The following KLHDC2 variants were observed in gnomAD, a reference collection of about 807,000 sequenced individuals.
KLHDC2 encodes kelch domain-containing protein 2.
In KLHDC2, 38 loss-of-function variants were observed where a neutral mutation model predicts 62.3. The observed-to-expected ratio is 0.61, with a 90% confidence interval of 0.47 to 0.80. The LOEUF is 0.80. Among genes scored for constraint, KLHDC2 ranks in the 30% least tolerant of loss-of-function variants. The pLI, the probability that KLHDC2 is intolerant of heterozygous loss-of-function variation, is 0.00. For missense variants in KLHDC2, 430 were observed against 495.3 expected (o/e 0.87, Z 1.25); for synonymous variants, 159 against 161.0 (o/e 0.99, Z 0.09).
rs1387219575 is a variant in KLHDC2 at position 49,785,745 on chromosome 14, G to GGGTATAGT, written c.*2795_*2802dup. Reference sequence around the variant, plus strand: ...TCTACAAAAAATATAAAAGTTAGCTGGGTATAGTGGGTGCCTGTAGTCCCA... The same window carrying GGGTATAGT: ...TCTACAAAAAATATAAAAGTTAGCTGGGTATAGTGGTATAGTGGGTGCCTGTAGTCCCA... On this transcript the variant is annotated 3_prime_UTR_variant, in exon 13 of 13. Coordinates refer to ENST00000298307, the MANE Select transcript of KLHDC2 (RefSeq NM_014315.3). 3 of 176,714 alleles carry GGGTATAGT rather than the reference G, an allele frequency of 1.7e-5. No homozygotes were observed. The highest frequency in any genetic ancestry group is 7.2e-5 in the African/African-American group (3 of 41,714). 10.9% of individuals were successfully genotyped at this position (176,714 alleles called of 1,614,324 possible).
intron 9 of KLHDC2, 63 bp from the exon 10 acceptor site, chr14:49,780,640 T>C: frequency 4.6e-6 from 5 of 1,077,494 alleles, no homozygotes; most frequent in Non-Finnish European, 7.2e-6. Context: ...GCCAAAGCTG[T>C]GCCCTTTAAA....
Position 49,778,300 on chromosome 14 carries a change from G to A in KLHDC2, c.549+41G>A, listed in dbSNP as rs764256260. The A allele has an allele frequency of 5.0e-6, 7 of 1,393,080 alleles. No individual in the cohort carries two copies. In the East Asian group the frequency reaches 1.4e-4, roughly 27 times the overall value. 86.3% of individuals were successfully genotyped at this position (1,393,080 alleles called of 1,614,324 possible). Reference sequence around the variant, plus strand: ...TATTTGCATATGGCCTCCTTAGTATGTTGAAATAATACATTTTATAAGTTT... The same window carrying A: ...TATTTGCATATGGCCTCCTTAGTATATTGAAATAATACATTTTATAAGTTT... On this transcript the variant is annotated intron_variant, in intron 5 of 12. Coordinates refer to ENST00000298307, the MANE Select transcript of KLHDC2 (RefSeq NM_014315.3).
At chr14:49,768,738 G>A in intron 1 of KLHDC2, 117 bp downstream of exon 1, 1 of 974,154 alleles carries the variant, frequency 1.0e-6, no homozygotes, top group Non-Finnish European at 1.4e-6. Flanking sequence ...TGCGTCGCGC[G>A]CCCCACCTCA....
intron 6 of KLHDC2, 67 bp downstream of exon 6, chr14:49,778,561 G>GGGGGGGGGGGGGGGGGGA: frequency 3.4e-6 from 1 of 297,528 alleles, no homozygotes; most frequent in Non-Finnish European, 7.1e-6. Context: ...TGGGGTAGGG[G>GGGGGGGGGGGGGGGGGGA]AGAGGGGTGC....
At chr14:49,770,423 A>G (rs555839860) in intron 1 of KLHDC2, among the ~76,000 whole-genome samples, 1 of 152,304 alleles carries the variant, frequency 6.6e-6, no homozygotes, top group East Asian at 1.9e-4. Flanking sequence ...GGTGGGGTGG[A>G]AAAAGAAGTT....
At chr14:49,769,558 A>G (rs1452343679) in intron 1 of KLHDC2, among the ~76,000 whole-genome samples, 1 of 152,178 alleles carries the variant, frequency 6.6e-6, no homozygotes, top group Non-Finnish European at 1.5e-5. Flanking sequence ...CTGATACTTT[A>G]TTTTGGTTTA....
Position 49,785,598 on chromosome 14 carries a change from A to G in KLHDC2, c.*2645A>G. 2.8e-6 allele frequency: 1 copy of G among 351,178 alleles called. No individual in the cohort carries two copies. The highest frequency in any genetic ancestry group is 5.4e-6 in the Non-Finnish European group (1 of 184,238). The allele number at this position is 351,178 out of a possible 1,614,324, so 21.8% of individuals were successfully genotyped here. A position where few individuals can be genotyped will look rare whatever the true frequency, so the allele number is the denominator to read the frequency against. ...CCTACAGTTACATTTAAGAGAAAGA[A>G]GGCCCAGGAGCAGTGGTTCACGCCT... On this transcript the variant is annotated 3_prime_UTR_variant, in exon 13 of 13. Coordinates refer to ENST00000298307, the MANE Select transcript of KLHDC2 (RefSeq NM_014315.3).
chr14:49,781,370 A>C (rs111721781), intron 10 of KLHDC2, among the ~76,000 whole-genome samples: 75 of 782 alleles, frequency 0.096, 2 homozygotes, highest in Non-Finnish European at 0.21. Flanking sequence ...ACTCTGTCTC[A>C]AAAAAAAAAA....
chr14:49,772,564 C>T (rs551602978), intron 2 of KLHDC2, among the ~76,000 whole-genome samples: 24 of 152,296 alleles, frequency 1.6e-4, no homozygotes, highest in African/African-American at 5.5e-4. Flanking sequence ...GCCATGGTTG[C>T]GGATTTACAA....
intron 6 of KLHDC2, 73 bp downstream of exon 6, chr14:49,778,567 G>C: frequency 1.5e-6 from 1 of 668,676 alleles, no homozygotes; most frequent in Non-Finnish European, 2.7e-6. Flanking sequence ...AGGGGAGAGG[G>C]GTGCACCAGA....
chr14:49,769,974 G>A (rs11844237), intron 1 of KLHDC2, among the ~76,000 whole-genome samples: 2,826 of 143,944 alleles, frequency 0.02, 118 homozygotes, highest in African/African-American at 0.07. Context: ...AGAATTGCAA[G>A]AAGGGGGGCG....
chr14:49,770,689 C>T (rs1333586770), intron 1 of KLHDC2, among the ~76,000 whole-genome samples: 2 of 152,158 alleles, frequency 1.3e-5, no homozygotes, highest in Non-Finnish European at 2.9e-5. Flanking sequence ...ATAACATCAG[C>T]TACTTTTTAG....
At chr14:49,769,353 G>A (rs2139787027) in intron 1 of KLHDC2, among the ~76,000 whole-genome samples, 1 of 152,252 alleles carries the variant, frequency 6.6e-6, no homozygotes, top group South Asian at 2.1e-4. Flanking sequence ...GCTAACCTCG[G>A]AAATCTAGAA....
chr14:49,779,855 C>T, intron 8 of KLHDC2, 49 bp downstream of exon 8: 1 of 1,269,526 alleles, frequency 7.9e-7, no homozygotes, highest in South Asian at 1.2e-5. Context: ...TTGTTTTTAC[C>T]CTATATTCCC....
chr14:49,778,099 C>A, intron 4 of KLHDC2, 79 bp from the exon 5 acceptor site: 1 of 1,011,922 alleles, frequency 9.9e-7, no homozygotes, highest in Non-Finnish European at 1.5e-6. Context: ...AAGCATTTAA[C>A]ACAGCACCTA....
Position 49,784,661 on chromosome 14 carries a change from T to G in KLHDC2, c.*1708T>G. ...CTATTTCCTTTTTACGTTCAGAAGATTGGGTGCAGACACTTTCACTTTGCC... is the reference window on the plus strand; with the variant it reads ...CTATTTCCTTTTTACGTTCAGAAGAGTGGGTGCAGACACTTTCACTTTGCC... On this transcript the variant is annotated 3_prime_UTR_variant, in exon 13 of 13. Transcript: ENST00000298307. 1 of 1,611,512 alleles carries G rather than the reference T, an allele frequency of 6.2e-7. No individual in the cohort carries two copies. The highest frequency in any genetic ancestry group is 1.3e-5 in the African/African-American group (1 of 74,956).
intron 2 of KLHDC2, among the ~76,000 whole-genome samples, 196 bp from the exon 3 acceptor site, chr14:49,774,365 G>C (rs1171414725): frequency 6.6e-6 from 1 of 152,214 alleles, no homozygotes; most frequent in Non-Finnish European, 1.5e-5. Context: ...AGCTGGCACT[G>C]TTTGTGGAAT....
In KLHDC2 at chr14:49,770,223, G is replaced by A. The variant is rs576251829; in HGVS notation, c.154-1371G>A. The stretch of plus-strand genomic sequence containing the variant: ...GAGGAGCAGCACAATCACTGAATTG[G>A]ATGGTTCTGAAACAGACTGCCCTCC... On this transcript the variant is annotated intron_variant, in intron 1 of 12. Transcript: ENST00000298307. Among the ~76,000 whole-genome samples the A allele has an allele frequency of 1.3e-3, 199 of 152,264 alleles. 6 individuals are homozygous for A. The South Asian group carries it at 0.037, about 28-fold the overall frequency.
rs1889862916 is a variant in KLHDC2, at chr14:49,780,279, T to C, written c.840T>C (p.His280=). ...WHSLTPVSSD[H]LFLFGGFTTD... is the part of the protein sequence containing the mutation. ...CACTAACACCAGTTTCTTCAGATCA[T>C]CTTTTTCTCTTTGGAGGATTTACCA... Residue 280 remains histidine, a synonymous_variant, in exon 9 of 13, where the codon CAT becomes CAC. Transcript: ENST00000298307. 1 of 1,613,652 alleles carries C rather than the reference T, an allele frequency of 6.2e-7. No individual in the cohort carries two copies. The highest frequency in any genetic ancestry group is 8.5e-7 in the Non-Finnish European group (1 of 1,179,520).
Sources: gnomAD v4.1 joint callset for allele counts (sites outside exome capture counted in the v4.1 genomes callset) on GRCh38, gnomAD v4.1.1 for gene constraint, MANE v1.5 for transcripts, NCBI Gene and HGNC (gene_info 2026-07-23, HGNC 2026-07-21) for gene names.